The following IRAG1 variants were observed in gnomAD, a reference collection of about 807,000 sequenced individuals.
The protein encoded by IRAG1 is inositol 1,4,5-triphosphate receptor associated 1.
A neutral mutation model predicts 106.2 loss-of-function variants in IRAG1; 62 were observed. The observed-to-expected ratio is 0.58, with a 90% CI of 0.48 to 0.72. The LOEUF (loss-of-function observed/expected upper bound fraction) is 0.72. Ranked by LOEUF, IRAG1 falls within the 30% of genes least tolerant of loss-of-function variation. The pLI, the probability that IRAG1 is intolerant of heterozygous loss-of-function variation, is 0.00. For synonymous variants in IRAG1, 462 were observed against 443.9 expected (o/e 1.04, Z -0.51); for missense variants, 1,064 against 1,140.7 (o/e 0.93, Z 0.97).
intron 2 of IRAG1, among the ~76,000 whole-genome samples, chr11:10,636,077 T>C (rs1305511642): frequency 1.3e-5 from 2 of 152,216 alleles, no homozygotes; most frequent in Non-Finnish European, 2.9e-5. Flanking sequence ...AACTACTAGC[T>C]ATGTGTCGTG....
intron 19 of IRAG1, among the ~76,000 whole-genome samples, chr11:10,580,992 C>A (rs1346000021): frequency 6.6e-6 from 1 of 152,162 alleles, no homozygotes; most frequent in Non-Finnish European, 1.5e-5. Context: ...ATGATTTTTG[C>A]AAGTGCCAGG....
chr11:10,657,879 G>A lies in IRAG1; in HGVS notation c.68-5697C>T, dbSNP rs1436130334. Among the ~76,000 whole-genome samples, 1 of 152,178 alleles carries A rather than the reference G, an allele frequency of 6.6e-6. No homozygotes were observed. The highest frequency in any genetic ancestry group is 1.5e-5 in the Non-Finnish European group (1 of 68,030). On this transcript the variant is annotated intron_variant, in intron 1 of 20. Coordinates refer to ENST00000423302, the MANE Select transcript of IRAG1 (RefSeq NM_130385.4). This position sits in a 1 kb window ranked among gnomAD's most constrained non-coding sequence, Gnocchi z 4.1. The stretch of plus-strand genomic sequence containing the variant: ...AACCGAGGCCCAGAGGGGCAGGCAT[G>A]TGACCAAGGCCACATCTATGAGTGA...
intron 10 of IRAG1, among the ~76,000 whole-genome samples, chr11:10,610,825 A>C (rs1239384905): frequency 6.6e-6 from 1 of 152,192 alleles, no homozygotes; most frequent in Non-Finnish European, 1.5e-5. Flanking sequence ...TCTTTAGTTG[A>C]CCCAAATCAG....
chr11:10,620,547 T>C (rs557852032), intron 10 of IRAG1, among the ~76,000 whole-genome samples: 2 of 152,214 alleles, frequency 1.3e-5, no homozygotes, highest in Non-Finnish European at 2.9e-5. Flanking sequence ...TATTTTAACA[T>C]TTTAAGTTTG....
At chr11:10,655,100 T>G (rs1316400275) in intron 1 of IRAG1, among the ~76,000 whole-genome samples, 2 of 152,210 alleles carry the variant, frequency 1.3e-5, no homozygotes, top group African/African-American at 4.8e-5. Flanking sequence ...ACCCTGATTC[T>G]ACTAAAGGAA....
At chr11:10,584,586 T>TATATA (rs1851753165) in intron 18 of IRAG1, among the ~76,000 whole-genome samples, 4 of 122,224 alleles carry the variant, frequency 3.3e-5, no homozygotes, top group African/African-American at 5.7e-5. Flanking sequence ...TATATATATA[T>TATATA]GAAATGAGAT....
intron 3 of IRAG1, among the ~76,000 whole-genome samples, chr11:10,633,113 C>T (rs10770127): frequency 0.17 from 23,812 of 143,454 alleles, 2,629 homozygotes; most frequent in East Asian, 0.6. Context: ...CTCGCACTGT[C>T]GCCCAGGCTG....
At chr11:10,600,105 G>T (rs776286925) in intron 15 of IRAG1, among the ~76,000 whole-genome samples, 1 of 152,032 alleles carries the variant, frequency 6.6e-6, no homozygotes, top group Non-Finnish European at 1.5e-5. Context: ...TTCTCCACTT[G>T]GGATGTGTCT....
At chr11:10,622,216 G>C (rs1055384362) in intron 10 of IRAG1, among the ~76,000 whole-genome samples, 5 of 152,178 alleles carry the variant, frequency 3.3e-5, no homozygotes, top group African/African-American at 9.7e-5. Context: ...TTGCAGAGCT[G>C]GTGGGACTAA....
intron 20 of IRAG1, among the ~76,000 whole-genome samples, chr11:10,579,196 C>T (rs535164299): frequency 5.9e-5 from 9 of 152,288 alleles, no homozygotes; most frequent in East Asian, 3.9e-4. Flanking sequence ...ACAATGGGGT[C>T]GACCAGCATG....
In IRAG1 at chr11:10,594,171, C is replaced by A; in HGVS notation, c.2042G>T (p.Arg681Leu). The change falls in exon 16 of 21, where the codon CGG becomes CTG. Residue 681 changes from arginine (R) to leucine (L), a missense_variant. Arg to Leu is a moderately radical substitution (Grantham distance 102). Coordinates refer to ENST00000423302, the MANE Select transcript of IRAG1 (RefSeq NM_130385.4). ...PSEDGVPRTARSMSLTLGKNM... is the reference protein window; with the variant it reads ...PSEDGVPRTALSMSLTLGKNM... ...CTTTCCCAGCGTGAGGGACATGGACCGTGCCGTGCGAGGGACCCCATCTTC... is the reference window on the plus strand; with the variant it reads ...CTTTCCCAGCGTGAGGGACATGGACAGTGCCGTGCGAGGGACCCCATCTTC... 4 of 1,610,224 alleles carry A rather than the reference C, an allele frequency of 2.5e-6. No homozygotes were observed. The highest frequency in any genetic ancestry group is 3.4e-6 in the Non-Finnish European group (4 of 1,178,468).
At chr11:10,624,170 G>C (rs1564913172) in intron 9 of IRAG1, among the ~76,000 whole-genome samples, 1 of 152,214 alleles carries the variant, frequency 6.6e-6, no homozygotes, top group African/African-American at 2.4e-5. Context: ...CTGTGGCTGA[G>C]GTTTGCAAAG....
chr11:10,574,489 G>C lies in IRAG1; in HGVS notation c.*1843C>G, dbSNP rs1850723852. On this transcript the variant is annotated 3_prime_UTR_variant, in exon 21 of 21. Coordinates refer to ENST00000423302, the MANE Select transcript of IRAG1 (RefSeq NM_130385.4). Reference sequence around the variant, plus strand: ...AGGCCATGGTATACTATAGGTAAAGGTCAATAATAATAATGTTTAAAACGT... The same window carrying C: ...AGGCCATGGTATACTATAGGTAAAGCTCAATAATAATAATGTTTAAAACGT... The C allele has an allele frequency of 1.3e-5, 2 of 152,106 alleles. No homozygotes were observed. Among genetic ancestry groups the C allele is most frequent in the Non-Finnish European group, 2.9e-5 (2 of 68,024 alleles). The allele number at this position is 152,106 out of a possible 1,614,324, so 9.4% of individuals were successfully genotyped here. A position where few individuals can be genotyped will look rare whatever the true frequency, so the allele number is the denominator to read the frequency against.
At chr11:10,623,888 AGAT>A (rs1376481629) in intron 9 of IRAG1, 32 bp from the exon 10 acceptor site, 1 of 1,584,970 alleles carries the variant, frequency 6.3e-7, no homozygotes. Context: ...TAACAATTTC[AGAT>A]GATGACACTG....
chr11:10,628,778 T>C lies in IRAG1; in HGVS notation c.625A>G (p.Asn209Asp), dbSNP rs761871346. ...PSASPTSSRS[N>D]SLTVPTPPGL... ...GGCGGGGTGGGGACTGTAAGTGAGTTGCTCCGAGAGGATGTAGGAGAAGCG... is the reference window on the plus strand; with the variant it reads ...GGCGGGGTGGGGACTGTAAGTGAGTCGCTCCGAGAGGATGTAGGAGAAGCG... The change falls in exon 6 of 21, where the codon AAC (asparagine) becomes GAC (aspartate). Residue 209 changes from asparagine to aspartate, a missense_variant. Asn to Asp is a conservative substitution (Grantham distance 23, BLOSUM62 1). Transcript: ENST00000423302. The surrounding 1 kb of genome is among the most constrained non-coding windows in gnomAD (Gnocchi z 4.1). The C allele has an allele frequency of 1.4e-5, 22 of 1,556,992 alleles. No individual in the cohort carries two copies. The highest frequency in any genetic ancestry group is 1.1e-5 in the Non-Finnish European group (13 of 1,156,770).
chr11:10,664,249 G>A (rs1859619163), intron 1 of IRAG1, among the ~76,000 whole-genome samples: 1 of 152,130 alleles, frequency 6.6e-6, no homozygotes, highest in African/African-American at 2.4e-5. Flanking sequence ...GCAGGAGAGA[G>A]TGTTCTTCCC....
rs1851429936 is a variant in IRAG1, at chr11:10,581,873, C to T, written c.2354G>A (p.Ser785Asn). ...TGGCTGAGGTCTGACTCACCCCTTG[C>T]TGTAGGCTTCTTCCTCCATCCTGGC... ...TKARMEEEAY[S>N]KGFQEGLKKT... Residue 785 changes from serine (S) to asparagine (N), a missense_variant, in exon 19 of 21, where the codon AGC (serine) becomes AAC (asparagine). Physicochemically the swap from Ser to Asn is conservative, Grantham distance 46 (BLOSUM62 1). Transcript: ENST00000423302. The T allele has an allele frequency of 9.3e-6, 15 of 1,613,758 alleles. No individual in the cohort carries two copies. The highest frequency in any genetic ancestry group is 1.2e-5 in the Non-Finnish European group (14 of 1,179,714).
At chr11:10,637,387 C>G (rs1466261677) in intron 2 of IRAG1, among the ~76,000 whole-genome samples, 1 of 152,106 alleles carries the variant, frequency 6.6e-6, no homozygotes, top group Non-Finnish European at 1.5e-5. Flanking sequence ...CTGTCAAGGA[C>G]TCCCCCTAGA....
chr11:10,632,010 A>G lies in IRAG1; in HGVS notation c.381T>C (p.Thr127=). Residue 127 remains threonine, a synonymous_variant, in exon 4 of 21, where the codon ACT becomes ACC. Coordinates refer to ENST00000423302, the MANE Select transcript of IRAG1 (RefSeq NM_130385.4). ...CCTTACCCACAGATGTCAGGGAGGC[A>G]GTGGACACCTTCAAGTGTCGGTGAG... ...RLSHRHLKVS[T]ASLTSVDPAG... 1 of 1,613,830 alleles carries G rather than the reference A, an allele frequency of 6.2e-7. No homozygotes were observed. The highest frequency in any genetic ancestry group is 2.2e-5 in the East Asian group (1 of 44,880).
Sources: gnomAD v4.1 joint callset for allele counts (sites outside exome capture counted in the v4.1 genomes callset) on GRCh38, gnomAD v4.1.1 for gene constraint, Gnocchi (gnomAD v3.1) non-coding constraint, MANE v1.5 for transcripts, NCBI Gene and HGNC (gene_info 2026-07-23, HGNC 2026-07-21) for gene names.